Variants in FAM118B observed in about 807,000 individuals in gnomAD.
FAM118B encodes the protein SIR2 antiphage like 1.
FAM118B carries 24 observed loss-of-function variants against 38.5 expected under a neutral mutation model. The observed-to-expected ratio is 0.62, with a 90% CI of 0.45 to 0.88. The LOEUF is 0.88. Ranked by LOEUF, FAM118B falls within the 40% of genes least tolerant of loss-of-function variation. The pLI is 0.00. For missense variants in FAM118B, 334 were observed against 420.0 expected (o/e 0.80, Z 1.79); for synonymous variants, 138 against 156.3 (o/e 0.88, Z 0.87).
chr11:126,221,097 G>A (rs1352794761), intron 1 of FAM118B, among the ~76,000 whole-genome samples: 1 of 152,216 alleles, frequency 6.6e-6, no homozygotes, highest in African/African-American at 2.4e-5. Flanking sequence ...TGAGGCAGGA[G>A]AATAGCTTGA....
chr11:126,214,514 G>GTTTTTTTTTTTT (rs71048770), intron 1 of FAM118B: 15 of 41,480 alleles, frequency 3.6e-4, no homozygotes, highest in Non-Finnish European at 6.4e-4. Context: ...TTTTTTTTTT[G>GTTTTTTTTTTTT]TTTTTTTTTT....
Position 126,262,149 on chromosome 11 carries a change from C to T in FAM118B, c.*16C>T, listed in dbSNP as rs1950714560. ...TAGTACATGAGCGAGCTAGAGAAAT[C>T]ACCACCGTTTAGACCAAGCTGTAAG... On this transcript the variant is annotated 3_prime_UTR_variant, in exon 9 of 9. Coordinates refer to ENST00000533050, the MANE Select transcript of FAM118B (RefSeq NM_024556.4). The T allele has an allele frequency of 1.2e-6, 2 of 1,613,756 alleles. No homozygotes were observed. Among genetic ancestry groups the T allele is most frequent in the African/African-American group, 2.7e-5 (2 of 74,864 alleles).
rs573688885 is a variant in FAM118B, at chr11:126,231,331, T to TA, written c.-8+2046dup. ...AAATGAAAACTCAAACGTGATCACA[T>TA]AAAAAAAATTAAAGTGTGAACTAGC... On this transcript the variant is annotated intron_variant, in intron 2 of 8. Transcript: ENST00000533050. Among the ~76,000 whole-genome samples, 7 of 152,198 alleles carry TA rather than the reference T, an allele frequency of 4.6e-5. No individual in the cohort carries two copies. In the East Asian group the frequency reaches 7.7e-4, roughly 17 times the overall value.
Position 126,250,315 on chromosome 11 carries a change from T to C in FAM118B, c.340-191T>C, listed in dbSNP as rs1012827762. 2.0e-5 allele frequency among the ~76,000 whole-genome samples: 3 copies of C among 152,048 alleles called. No homozygotes were observed. The highest frequency in any genetic ancestry group is 2.9e-5 in the Non-Finnish European group (2 of 67,980). ...ACCGTGTTAGCCAGGATGGTCTCGATCTCCTGACCTCGTGATCCGCCCGCC... is the reference window on the plus strand; with the variant it reads ...ACCGTGTTAGCCAGGATGGTCTCGACCTCCTGACCTCGTGATCCGCCCGCC... On this transcript the variant is annotated intron_variant, in intron 4 of 8. Transcript: ENST00000533050. This position sits in a 1 kb window ranked among gnomAD's most constrained non-coding sequence, Gnocchi z 5.1.
Position 126,250,784 on chromosome 11 carries a change from C to T in FAM118B, c.567+51C>T, listed in dbSNP as rs777580349. On this transcript the variant is annotated intron_variant, in intron 5 of 8. Coordinates refer to ENST00000533050, the MANE Select transcript of FAM118B (RefSeq NM_024556.4). This position sits in a 1 kb window ranked among gnomAD's most constrained non-coding sequence, Gnocchi z 5.1. ...CTTCAGGCTAGTGGATTTTATCTTC[C>T]TCAGAAAAGCTCTTTTCTAGTTGGT... 1.0e-5 allele frequency: 14 copies of T among 1,376,342 alleles called. No individual in the cohort carries two copies. The South Asian group carries it at 1.4e-4, about 14-fold the overall frequency. The allele number at this position is 1,376,342 out of a possible 1,614,324, so 85.3% of individuals were successfully genotyped here. A position where few individuals can be genotyped will look rare whatever the true frequency, so the allele number is the denominator to read the frequency against.
intron 3 of FAM118B, among the ~76,000 whole-genome samples, chr11:126,238,945 T>C (rs1950318135): frequency 6.6e-6 from 1 of 151,934 alleles, no homozygotes; most frequent in Non-Finnish European, 1.5e-5. Flanking sequence ...AACACAATTG[T>C]TAAATGTTTT....
intron 6 of FAM118B, 77 bp downstream of exon 6, chr11:126,254,510 G>A (rs1285579379): frequency 6.4e-7 from 1 of 1,560,168 alleles, no homozygotes; most frequent in Non-Finnish European, 8.8e-7. Flanking sequence ...GATCTTAAAG[G>A]GGAACATCTT....
Position 126,261,507 on chromosome 11 carries a change from A to G in FAM118B, c.1042+23A>G, listed in dbSNP as rs371696416. 24 of 1,591,960 alleles carry G rather than the reference A, an allele frequency of 1.5e-5. No homozygotes were observed. In the African/African-American group the frequency reaches 2.6e-4, roughly 17 times the overall value. On this transcript the variant is annotated intron_variant, in intron 8 of 8. Transcript: ENST00000533050. ...GAGGTATACTGTTTCCTATTCTACT[A>G]TTTATCACTCTGTAGCAGAAAGTCT...
In FAM118B at chr11:126,257,518, TA is replaced by T. The variant is rs113938640; in HGVS notation, c.982+676del. On this transcript the variant is annotated intron_variant, in intron 7 of 8. Transcript: ENST00000533050. ...AGAAGGGAAAGTGTTTTCATTGCCATAAAAAAAAAAGTTAGAGACATATGAG... is the reference window on the plus strand; with the variant it reads ...AGAAGGGAAAGTGTTTTCATTGCCATAAAAAAAAAGTTAGAGACATATGAG... Among the ~76,000 whole-genome samples, 479 of 139,000 alleles carry T rather than the reference TA, an allele frequency of 3.4e-3. 3 individuals carry two copies. Among genetic ancestry groups the T allele is most frequent in the African/African-American group, 0.012 (450 of 38,224 alleles). 91.2% of individuals were successfully genotyped at this position (139,000 alleles called of 152,430 possible). A position where few individuals can be genotyped will look rare whatever the true frequency, so the allele number is the denominator to read the frequency against.
chr11:126,232,628 T>A (rs1950221858), intron 2 of FAM118B, among the ~76,000 whole-genome samples: 1 of 151,552 alleles, frequency 6.6e-6, no homozygotes, highest in South Asian at 2.1e-4. Flanking sequence ...AGAAAAGAAC[T>A]TAAGCACCTA....
intron 5 of FAM118B, among the ~76,000 whole-genome samples, chr11:126,251,916 A>G (rs933103985): frequency 6.6e-6 from 1 of 152,084 alleles, no homozygotes. Flanking sequence ...TCCTGACCTC[A>G]GGTGATCTGC....
At chr11:126,230,392 T>G (rs1290508840) in intron 2 of FAM118B, among the ~76,000 whole-genome samples, 2 of 152,252 alleles carry the variant, frequency 1.3e-5, no homozygotes, top group Non-Finnish European at 2.9e-5. Context: ...AGAGCCACAG[T>G]TAGAAAGGTT....
At chr11:126,245,282 TA>T (rs890900250) in intron 4 of FAM118B, 46 of 144,972 alleles carry the variant, frequency 3.2e-4, no homozygotes, top group Middle Eastern at 3.6e-3. Flanking sequence ...ACCCTGTCTC[TA>T]AAAAAAAAAA....
At chr11:126,217,027 C>T (rs1280982383) in intron 1 of FAM118B, among the ~76,000 whole-genome samples, 1 of 152,206 alleles carries the variant, frequency 6.6e-6, no homozygotes, top group Non-Finnish European at 1.5e-5. Context: ...ACACAGGGAC[C>T]ATCTAGACAC....
At chr11:126,248,552 T>C (rs1950452030) in intron 4 of FAM118B, among the ~76,000 whole-genome samples, 1 of 151,722 alleles carries the variant, frequency 6.6e-6, no homozygotes, top group Admixed American at 6.6e-5. Context: ...TTATTTTTAG[T>C]AGAGAGATGG....
chr11:126,211,948 C>A, intron 1 of FAM118B, 118 bp downstream of exon 1: 2 of 351,288 alleles, frequency 5.7e-6, no homozygotes, highest in Non-Finnish European at 1.0e-5. Context: ...AAACGTTTCT[C>A]CTTTTGGTAC....
chr11:126,228,713 C>A (rs756780877), intron 1 of FAM118B, among the ~76,000 whole-genome samples: 14 of 151,994 alleles, frequency 9.2e-5, no homozygotes, highest in Non-Finnish European at 1.9e-4. Context: ...GTGCCCACCA[C>A]CACACCCAGC....
At chr11:126,232,800 G>C (rs957231389) in intron 2 of FAM118B, among the ~76,000 whole-genome samples, 89 of 151,376 alleles carry the variant, frequency 5.9e-4, no homozygotes, top group African/African-American at 2.1e-3. Context: ...GTGTGTGGAA[G>C]AAGTAAACAC....
In FAM118B at chr11:126,253,702, A is replaced by G. The variant is rs1950536480; in HGVS notation, c.568-603A>G. On this transcript the variant is annotated intron_variant, in intron 5 of 8. Transcript: ENST00000533050. The surrounding 1 kb of genome is among the most constrained non-coding windows in gnomAD (Gnocchi z 5.1). ...CCTGCAGACATCTGATGGCCGCACCAGGGCTGAGTGATATAAGGGGACCAT... is the reference window on the plus strand; with the variant it reads ...CCTGCAGACATCTGATGGCCGCACCGGGGCTGAGTGATATAAGGGGACCAT... Among the ~76,000 whole-genome samples the G allele has an allele frequency of 6.6e-6, 1 of 152,188 alleles. No individual in the cohort carries two copies. Among genetic ancestry groups the G allele is most frequent in the Non-Finnish European group, 1.5e-5 (1 of 68,040 alleles).
Sources: gnomAD v4.1 joint callset for allele counts (sites outside exome capture counted in the v4.1 genomes callset) on GRCh38, gnomAD v4.1.1 for gene constraint, Gnocchi (gnomAD v3.1) non-coding constraint, MANE v1.5 for transcripts, NCBI Gene and HGNC (gene_info 2026-07-23, HGNC 2026-07-21) for gene names.